LRP6: variants seen among roughly 807,000 people sequenced by gnomAD.
LRP6 encodes LDL receptor related protein 6.
In LRP6, 43 loss-of-function variants were observed where a neutral mutation model predicts 184.1. The observed-to-expected ratio is 0.23, with a 90% CI of 0.18 to 0.30. The LOEUF is 0.30. Ranked by LOEUF, LRP6 falls within the 10% of genes least tolerant of loss-of-function variation. The probability of loss-of-function intolerance (pLI) is 1.00; values close to 1 mark genes in which losing one functional copy is unlikely to be tolerated. For missense variants in LRP6, 1,571 were observed against 2,005.3 expected (o/e 0.78, Z 4.14); for synonymous variants, 719 against 684.9 (o/e 1.05, Z -0.78).
chr12:12,171,242 C>T (rs765904224), intron 7 of LRP6, among the ~76,000 whole-genome samples: 7 of 152,130 alleles, frequency 4.6e-5, no homozygotes, highest in South Asian at 2.1e-4. Context: ...ATTGGCCGAG[C>T]GCGGTGGCTC....
intron 3 of LRP6, among the ~76,000 whole-genome samples, chr12:12,193,238 A>G (rs1024087208): frequency 8.5e-5 from 13 of 152,098 alleles, no homozygotes; most frequent in African/African-American, 3.1e-4. Flanking sequence ...GGAAACGTAT[A>G]TAGAATACTA....
intron 20 of LRP6, among the ~76,000 whole-genome samples, chr12:12,126,012 G>T (rs191329193): frequency 6.6e-6 from 1 of 152,158 alleles, no homozygotes; most frequent in African/African-American, 2.4e-5. Flanking sequence ...GTCTACTTAA[G>T]AGTTACACCC....
At chr12:12,124,046 A>G (rs981006345) in intron 22 of LRP6, among the ~76,000 whole-genome samples, 1 of 151,776 alleles carries the variant, frequency 6.6e-6, no homozygotes, top group Non-Finnish European at 1.5e-5. Context: ...TTTTATTATT[A>G]TAAAAGCCAG....
At chr12:12,214,834 A>T (rs1162184984) in intron 2 of LRP6, among the ~76,000 whole-genome samples, 1 of 152,226 alleles carries the variant, frequency 6.6e-6, no homozygotes, top group Non-Finnish European at 1.5e-5. Flanking sequence ...GTTTTACCTG[A>T]GTTCCTTCCT....
chr12:12,199,196 G>A (rs1316583917), intron 3 of LRP6, among the ~76,000 whole-genome samples: 1 of 151,794 alleles, frequency 6.6e-6, no homozygotes, highest in Non-Finnish European at 1.5e-5. Context: ...TGAACCTTTG[G>A]CACTAGGAAT....
chr12:12,189,185 G>A (rs1036883463), intron 3 of LRP6, among the ~76,000 whole-genome samples: 2 of 152,130 alleles, frequency 1.3e-5, no homozygotes, highest in Non-Finnish European at 2.9e-5. Context: ...TCAGAGGTGA[G>A]CTTAAATCCC....
At chr12:12,132,726 T>C (rs745781049) in intron 17 of LRP6, among the ~76,000 whole-genome samples, 5 of 152,224 alleles carry the variant, frequency 3.3e-5, no homozygotes, top group African/African-American at 7.2e-5. Flanking sequence ...AAAAATTATA[T>C]TAAAATCAAC....
At chr12:12,187,559 C>T (rs1356343259) in intron 3 of LRP6, 1 of 209,188 alleles carries the variant, frequency 4.8e-6, no homozygotes, top group Non-Finnish European at 9.8e-6. Flanking sequence ...AGATTTATAT[C>T]AGCAATAGGT....
chr12:12,254,387 G>A (rs1426365967), intron 1 of LRP6, among the ~76,000 whole-genome samples: 7 of 152,192 alleles, frequency 4.6e-5, no homozygotes, highest in East Asian at 3.9e-4. Context: ...TATGGGTTTC[G>A]TTTAAAATAT....
At chr12:12,221,570 T>C (rs1052688446) in intron 2 of LRP6, among the ~76,000 whole-genome samples, 2 of 152,244 alleles carry the variant, frequency 1.3e-5, no homozygotes, top group African/African-American at 2.4e-5. Context: ...ATTATGTGGG[T>C]TCTTTCATCA....
intron 12 of LRP6, 48 bp from the exon 13 acceptor site, chr12:12,151,086 C>T (rs1297222265): frequency 1.3e-5 from 18 of 1,398,414 alleles, no homozygotes; most frequent in Non-Finnish European, 1.8e-5. Context: ...ACCCTACATC[C>T]TCTATCATCC....
chr12:12,230,121 G>C (rs1403581662), intron 2 of LRP6, among the ~76,000 whole-genome samples: 1 of 152,168 alleles, frequency 6.6e-6, no homozygotes, highest in Non-Finnish European at 1.5e-5. Flanking sequence ...AAAGGTAGAA[G>C]ATGAGCTTCA....
In LRP6 at chr12:12,165,087, C is replaced by A; in HGVS notation, c.1754G>T (p.Arg585Leu). 6.2e-7 allele frequency: 1 copy of A among 1,612,754 alleles called. No individual in the cohort carries two copies. Among genetic ancestry groups the A allele is most frequent in the East Asian group, 2.2e-5 (1 of 44,866 alleles). ...GCTTTGGAGTTACTCACCAATCACTCGATGAACATTTGTAGCCTTTAGGCC... is the reference window on the plus strand; with the variant it reads ...GCTTTGGAGTTACTCACCAATCACTAGATGAACATTTGTAGCCTTTAGGCC... ...LMGLKATNVH[R>L]VIGSNPCAEE... The change falls in exon 8 of 23, where the codon CGA becomes CTA. Residue 585 changes from arginine (R) to leucine (L), a missense_variant. By Grantham distance (102) the Arg-to-Leu change is moderately radical (BLOSUM62 -2). Transcript: ENST00000261349.
At chr12:12,199,947 A>G (rs1239862079) in intron 3 of LRP6, among the ~76,000 whole-genome samples, 3 of 143,172 alleles carry the variant, frequency 2.1e-5, no homozygotes, top group African/African-American at 8.0e-5. Flanking sequence ...CTTGGGCAAC[A>G]GAGCGAGACT....
Position 12,213,207 on chromosome 12 carries a change from T to C in LRP6, c.450-9807A>G, listed in dbSNP as rs562834503. Among the ~76,000 whole-genome samples, 34 of 152,290 alleles carry C rather than the reference T, an allele frequency of 2.2e-4. No homozygotes were observed. The South Asian group carries it at 7.0e-3, about 32-fold the overall frequency. ...GGAATTAATGACATATGTTTTGGTA[T>C]GTATATTTTCACTCCTGGTCTCATC... On this transcript the variant is annotated intron_variant, in intron 2 of 22. Coordinates refer to ENST00000261349, the MANE Select transcript of LRP6 (RefSeq NM_002336.3).
At chr12:12,219,707 T>G (rs1426058231) in intron 2 of LRP6, among the ~76,000 whole-genome samples, 1 of 152,206 alleles carries the variant, frequency 6.6e-6, no homozygotes, top group Non-Finnish European at 1.5e-5. Flanking sequence ...TTTCCTATGT[T>G]TGGAGAATTC....
At chr12:12,232,936 C>G (rs1415182903) in intron 2 of LRP6, among the ~76,000 whole-genome samples, 1 of 152,116 alleles carries the variant, frequency 6.6e-6, no homozygotes. Flanking sequence ...AATATTATAA[C>G]AAAAGATGCA....
At chr12:12,141,521 C>G (rs879902081) in intron 15 of LRP6, among the ~76,000 whole-genome samples, 5 of 152,122 alleles carry the variant, frequency 3.3e-5, no homozygotes, top group African/African-American at 1.2e-4. Flanking sequence ...GAGCCCCTTT[C>G]AAGAAGCTGC....
At chr12:12,197,658 T>C (rs1030553104) in intron 3 of LRP6, among the ~76,000 whole-genome samples, 3 of 152,236 alleles carry the variant, frequency 2.0e-5, no homozygotes, top group African/African-American at 7.2e-5. Context: ...GCAGGAGCAA[T>C]ATATGTCCTA....
Sources: gnomAD v4.1 joint callset for allele counts (sites outside exome capture counted in the v4.1 genomes callset) on GRCh38, gnomAD v4.1.1 for gene constraint, MANE v1.5 for transcripts, NCBI Gene and HGNC (gene_info 2026-07-23, HGNC 2026-07-21) for gene names.